SLC23A2: variants seen among roughly 807,000 people sequenced by gnomAD.
The protein encoded by SLC23A2 is Na(+)/L-ascorbic acid transporter 2.
In SLC23A2, 36 loss-of-function variants were observed where a neutral mutation model predicts 73.3. The observed-to-expected ratio is 0.49, with a 90% CI of 0.38 to 0.65. SLC23A2 has a LOEUF of 0.65. Ranked by LOEUF, SLC23A2 falls within the 30% of genes least tolerant of loss-of-function variation. SLC23A2 has a pLI of 0.00. For synonymous variants in SLC23A2, 343 were observed against 327.3 expected (o/e 1.05, Z -0.52); for missense variants, 507 against 841.6 (o/e 0.60, Z 4.92).
intron 6 of SLC23A2, among the ~76,000 whole-genome samples, chr20:4,888,730 C>A (rs1342775909): frequency 1.3e-5 from 2 of 152,208 alleles, no homozygotes; most frequent in Non-Finnish European, 2.9e-5. Context: ...GAAAATATCA[C>A]CTCCTCCAGC....
chr20:4,948,455 T>A, intron 2 of SLC23A2, among the ~76,000 whole-genome samples: 1 of 152,182 alleles, frequency 6.6e-6, no homozygotes, highest in Non-Finnish European at 1.5e-5. Context: ...TAGTCCAGTA[T>A]ACCAAGAGTT....
intron 3 of SLC23A2, among the ~76,000 whole-genome samples, chr20:4,916,733 T>C (rs1235857828): frequency 2.6e-5 from 4 of 152,198 alleles, no homozygotes; most frequent in East Asian, 1.9e-4. Context: ...AAAAGTGATA[T>C]GTATTCCGTA....
In SLC23A2 at chr20:4,879,134, C is replaced by T. The variant is rs533156023; in HGVS notation, c.825-4438G>A. 3.9e-5 allele frequency among the ~76,000 whole-genome samples: 6 copies of T among 152,182 alleles called. No individual in the cohort carries two copies. In the South Asian group the frequency reaches 8.3e-4, roughly 21 times the overall value. On this transcript the variant is annotated intron_variant, in intron 9 of 16. Coordinates refer to ENST00000338244, the MANE Select transcript of SLC23A2 (RefSeq NM_005116.6). ...AAAGATCCTTCTATACAGCCAGGCA[C>T]GGTGGCTCACGCCTGTAATCCCAGC...
upstream of SLC23A2, chr20:5,010,313 T>C (rs996908286): frequency 1.3e-5 from 2 of 152,020 alleles, no homozygotes; most frequent in Admixed American, 1.3e-4. Context: ...CAGAAGAGGG[T>C]GCAAATGTGC....
intron 1 of SLC23A2, among the ~76,000 whole-genome samples, chr20:4,997,404 A>T (rs1201617321): frequency 6.6e-6 from 1 of 151,066 alleles, no homozygotes; most frequent in Non-Finnish European, 1.5e-5. Flanking sequence ...TCCTCCCCTC[A>T]GAATGATCCT....
intron 15 of SLC23A2, among the ~76,000 whole-genome samples, chr20:4,860,745 T>C (rs539836611): frequency 4.6e-5 from 7 of 152,198 alleles, no homozygotes; most frequent in African/African-American, 1.7e-4. Context: ...TATCTAGTCA[T>C]AAAAAAGGAA....
rs954896086 is a variant in SLC23A2, at chr20:4,868,243, T to C, written c.1251-368A>G. On this transcript the variant is annotated intron_variant, in intron 12 of 16. Transcript: ENST00000338244. The surrounding 1 kb of genome is among the most constrained non-coding windows in gnomAD (Gnocchi z 4.4). Reference sequence around the variant, plus strand: ...TTTGCACCACCATGCCTGGCTAATTTTTGTATTTTTAGTAGAGACGGGGTT... The same window carrying C: ...TTTGCACCACCATGCCTGGCTAATTCTTGTATTTTTAGTAGAGACGGGGTT... Among the ~76,000 whole-genome samples, 1 of 152,066 alleles carries C rather than the reference T, an allele frequency of 6.6e-6. No individual in the cohort carries two copies. The highest frequency in any genetic ancestry group is 2.4e-5 in the African/African-American group (1 of 41,388).
At chr20:4,988,819 G>C (rs969345385) in intron 1 of SLC23A2, among the ~76,000 whole-genome samples, 2 of 152,118 alleles carry the variant, frequency 1.3e-5, no homozygotes, top group African/African-American at 4.8e-5. Flanking sequence ...GGCTGAGACA[G>C]GAGAAGCGCT....
At position 4,902,509 on chromosome 20, in the gene SLC23A2, C is replaced by T. The variant is rs200765683; in HGVS notation, c.257G>A (p.Arg86Gln). 2.6e-5 allele frequency: 42 copies of T among 1,613,110 alleles called. No individual in the cohort carries two copies. The highest frequency in any genetic ancestry group is 3.5e-5 in the Non-Finnish European group (41 of 1,179,544). The change falls in exon 5 of 17, where the codon CGA becomes CAA. Residue 86 changes from arginine (R) to glutamine (Q), a missense_variant. Physicochemically the swap from Arg to Gln is conservative, Grantham distance 43. Coordinates refer to ENST00000338244, the MANE Select transcript of SLC23A2 (RefSeq NM_005116.6). The surrounding 1 kb of genome is among the most constrained non-coding windows in gnomAD (Gnocchi z 4.0). Reference protein sequence around the residue: ...LDSTGSLDPQRSDMIYTIEDV... With the variant: ...LDSTGSLDPQQSDMIYTIEDV... ...TTCTATGGTATAAATCATGTCTGAT[C>T]GCTGGGGGTCCAGACTGCCAGTGCT...
chr20:4,912,902 G>A lies in SLC23A2; in HGVS notation c.185C>T (p.Thr62Met), dbSNP rs759317661. 8.7e-6 allele frequency: 14 copies of A among 1,612,168 alleles called. No homozygotes were observed. Among genetic ancestry groups the A allele is most frequent in the East Asian group, 2.2e-5 (1 of 44,864 alleles). ...EDTELMAIYTTENGIAEKSSL... is the reference protein window; with the variant it reads ...EDTELMAIYTMENGIAEKSSL... ...TACCTTTTCTGCAATGCCGTTTTCC[G>A]TAGTGTAGATCGCCATGAGCTCAGT... The change falls in exon 4 of 17, where the codon ACG becomes ATG. Residue 62 changes from threonine to methionine, a missense_variant. Coordinates refer to ENST00000338244, the MANE Select transcript of SLC23A2 (RefSeq NM_005116.6).
At position 4,947,086 on chromosome 20, in the gene SLC23A2, G is replaced by A. The variant is rs1177483383; in HGVS notation, c.-154-14370C>T. 6.6e-6 allele frequency among the ~76,000 whole-genome samples: 1 copy of A among 152,158 alleles called. No individual in the cohort carries two copies. Among genetic ancestry groups the A allele is most frequent in the Non-Finnish European group, 1.5e-5 (1 of 68,036 alleles). ...TGACCTCCAGAGTTCCCAGGTCTGGGCTCAAGAGACCTCCTCCTCCAGGGA... is the reference window on the plus strand; with the variant it reads ...TGACCTCCAGAGTTCCCAGGTCTGGACTCAAGAGACCTCCTCCTCCAGGGA... On this transcript the variant is annotated intron_variant, in intron 2 of 16. Transcript: ENST00000338244. This position sits in a 1 kb window ranked among gnomAD's most constrained non-coding sequence, Gnocchi z 4.4.
At position 4,853,247 on chromosome 20, in the gene SLC23A2, G is replaced by C. The variant is rs918437364; in HGVS notation, c.*3725C>G. On this transcript the variant is annotated 3_prime_UTR_variant, in exon 17 of 17. Coordinates refer to ENST00000338244, the MANE Select transcript of SLC23A2 (RefSeq NM_005116.6). ...CAGCCATGCCGGGCCTATGCCTATAGCGAGTGTACACCCCATGCACGGCCA... is the reference window on the plus strand; with the variant it reads ...CAGCCATGCCGGGCCTATGCCTATACCGAGTGTACACCCCATGCACGGCCA... The C allele has an allele frequency of 4.6e-5, 7 of 152,440 alleles. No individual in the cohort carries two copies. Among genetic ancestry groups the C allele is most frequent in the African/African-American group, 9.6e-5 (4 of 41,452 alleles). The allele number at this position is 152,440 out of a possible 1,614,324, so 9.4% of individuals were successfully genotyped here. A position where few individuals can be genotyped will look rare whatever the true frequency, so the allele number is the denominator to read the frequency against.
chr20:4,920,368 C>T (rs937877164), intron 3 of SLC23A2, among the ~76,000 whole-genome samples: 26 of 152,164 alleles, frequency 1.7e-4, no homozygotes, highest in Admixed American at 7.9e-4. Flanking sequence ...ACATTGCTGA[C>T]GAAATTCCTC....
intron 2 of SLC23A2, among the ~76,000 whole-genome samples, chr20:4,946,556 G>A (rs1025843243): frequency 2.6e-5 from 4 of 152,190 alleles, no homozygotes. Flanking sequence ...GAAACAAGAT[G>A]TTGAAGAATG....
chr20:4,976,848 C>T (rs759613622), intron 1 of SLC23A2, among the ~76,000 whole-genome samples: 3 of 151,858 alleles, frequency 2.0e-5, no homozygotes, highest in East Asian at 1.9e-4. Context: ...GGTACACGCC[C>T]GCCTGTAGTC....
At chr20:4,942,372 C>G (rs969769844) in intron 2 of SLC23A2, among the ~76,000 whole-genome samples, 1 of 115,166 alleles carries the variant, frequency 8.7e-6, no homozygotes, top group Non-Finnish European at 1.7e-5. Context: ...TCGCTACAGT[C>G]TCAAAAAAAA....
chr20:4,975,721 G>A (rs1203570217), intron 1 of SLC23A2, among the ~76,000 whole-genome samples: 2 of 150,540 alleles, frequency 1.3e-5, no homozygotes, highest in South Asian at 2.1e-4. Flanking sequence ...GACATGTAAA[G>A]AATGACATCT....
intron 2 of SLC23A2, among the ~76,000 whole-genome samples, 157 bp from the exon 3 acceptor site, chr20:4,932,873 A>G (rs549008307): frequency 6.6e-6 from 1 of 152,188 alleles, no homozygotes; most frequent in Non-Finnish European, 1.5e-5. Context: ...GGCACCCAAC[A>G]CCTTCTTTAT....
chr20:4,899,832 G>T lies in SLC23A2; in HGVS notation c.325-120C>A. ...AATAGCCCACATAAAGAATCTCCTT[G>T]GTTTTTCGACCAAGCCATACTTTTT... On this transcript the variant is annotated intron_variant, in intron 5 of 16. Coordinates refer to ENST00000338244, the MANE Select transcript of SLC23A2 (RefSeq NM_005116.6). The surrounding 1 kb of genome is among the most constrained non-coding windows in gnomAD (Gnocchi z 4.9). The T allele has an allele frequency of 9.7e-7, 1 of 1,029,936 alleles. No homozygotes were observed. Among genetic ancestry groups the T allele is most frequent in the East Asian group, 2.5e-5 (1 of 39,450 alleles). The allele number at this position is 1,029,936 out of a possible 1,614,324, so 63.8% of individuals were successfully genotyped here.
Sources: gnomAD v4.1 joint callset for allele counts (sites outside exome capture counted in the v4.1 genomes callset) on GRCh38, gnomAD v4.1.1 for gene constraint, Gnocchi (gnomAD v3.1) non-coding constraint, MANE v1.5 for transcripts, NCBI Gene and HGNC (gene_info 2026-07-23, HGNC 2026-07-21) for gene names.